Variants in LAMA2 observed in about 807,000 individuals in gnomAD.
LAMA2 encodes laminin subunit alpha 2.
A neutral mutation model predicts 364.8 loss-of-function variants in LAMA2; 269 were observed. The ratio of observed to expected loss-of-function variants is 0.74; its 90% CI spans 0.67 to 0.82. The LOEUF (loss-of-function observed/expected upper bound fraction) is 0.82, where lower values mean the gene tolerates loss of function less well. Ranked by LOEUF, LAMA2 falls within the 40% of genes least tolerant of loss-of-function variation. The pLI, the probability that LAMA2 is intolerant of heterozygous loss-of-function variation, is 0.00. For synonymous variants in LAMA2, 1,379 were observed against 1,370.6 expected (o/e 1.01, Z -0.14); for missense variants, 3,807 against 3,873.2 (o/e 0.98, Z 0.45).
intron 4 of LAMA2, among the ~76,000 whole-genome samples, chr6:129,117,675 G>A (rs1041108206): frequency 7.2e-5 from 11 of 152,334 alleles, no homozygotes; most frequent in Admixed American, 7.2e-4. Context: ...CATACAGTTT[G>A]AGTGATAATA....
chr6:129,452,590 A>C lies in LAMA2; in HGVS notation c.6430-398A>C, dbSNP rs138381217. On this transcript the variant is annotated intron_variant, in intron 45 of 64. Transcript: ENST00000421865. Reference sequence around the variant, plus strand: ...TAGTTTCTTAGTTTAAGTGATACCAAAACCGCTGAAATTTCAATTGTAAAA... The same window carrying C: ...TAGTTTCTTAGTTTAAGTGATACCACAACCGCTGAAATTTCAATTGTAAAA... Among the ~76,000 whole-genome samples the C allele has an allele frequency of 1.4e-4, 22 of 152,318 alleles. No homozygotes were observed. In the East Asian group the frequency reaches 4.2e-3, roughly 29 times the overall value.
Position 129,475,476 on chromosome 6 carries a change from G to T in LAMA2, c.7451+75G>T, listed in dbSNP as rs375255954. The T allele has an allele frequency of 2.5e-4, 263 of 1,059,204 alleles. 4 individuals are homozygous for T. The South Asian group carries it at 3.2e-3, about 13-fold the overall frequency. The allele number at this position is 1,059,204 out of a possible 1,614,324, so 65.6% of individuals were successfully genotyped here. ...ATGTGGCTTCTTAGATAAAGCAGCC[G>T]TGCAGAAGCAGAGCAACACCAGTAC... On this transcript the variant is annotated intron_variant, in intron 53 of 64. Transcript: ENST00000421865.
At chr6:129,346,360 G>A (rs916638734) in intron 30 of LAMA2, among the ~76,000 whole-genome samples, 1 of 152,096 alleles carries the variant, frequency 6.6e-6, no homozygotes, top group South Asian at 2.1e-4. Context: ...TATTTTTAAA[G>A]GCATTTTTCA....
At chr6:129,049,823 C>T (rs1787866385) in intron 1 of LAMA2, 95 bp from the exon 2 acceptor site, 7 of 1,095,702 alleles carry the variant, frequency 6.4e-6, no homozygotes, top group South Asian at 6.4e-5. Flanking sequence ...TACTTTAATG[C>T]TCCGAAAAAT....
chr6:128,996,764 T>C (rs1783968940), intron 1 of LAMA2, among the ~76,000 whole-genome samples: 1 of 152,210 alleles, frequency 6.6e-6, no homozygotes, highest in African/African-American at 2.4e-5. Context: ...GACCCAGCCA[T>C]CCCATTACTG....
intron 44 of LAMA2, among the ~76,000 whole-genome samples, chr6:129,444,775 A>G (rs1782286109): frequency 6.6e-6 from 1 of 152,196 alleles, no homozygotes; most frequent in Admixed American, 6.5e-5. Context: ...CTTGAACCTT[A>G]AGCAGTTTAA....
intron 1 of LAMA2, among the ~76,000 whole-genome samples, chr6:128,997,012 AAACT>A (rs1783988543): frequency 6.6e-6 from 1 of 152,168 alleles, no homozygotes; most frequent in Admixed American, 6.5e-5. Flanking sequence ...CATTCTCAGC[AAACT>A]AACAGAGGAA....
intron 3 of LAMA2, among the ~76,000 whole-genome samples, chr6:129,066,039 T>TATGCC (rs1554210041): frequency 1.3e-5 from 1 of 74,628 alleles, no homozygotes. Flanking sequence ...CAGTCTCAGG[T>TATGCC]TTTTTTTTTT....
At chr6:129,163,236 AT>A (rs1391389308) in intron 8 of LAMA2, among the ~76,000 whole-genome samples, 2 of 151,476 alleles carry the variant, frequency 1.3e-5, no homozygotes, top group African/African-American at 2.4e-5. Flanking sequence ...GTGCTAAGTA[AT>A]TTTTTTTCTT....
At chr6:128,929,742 T>C (rs1779334707) in intron 1 of LAMA2, 1 of 1,232,558 alleles carries the variant, frequency 8.1e-7, no homozygotes, top group African/African-American at 1.5e-5. Flanking sequence ...CTTGTACCAA[T>C]CGTAGCTGGA....
chr6:128,922,742 GTTGCCA>G (rs1562833574), intron 1 of LAMA2, among the ~76,000 whole-genome samples: 1 of 152,148 alleles, frequency 6.6e-6, no homozygotes, highest in Non-Finnish European at 1.5e-5. Context: ...TTTGGCTTTT[GTTGCCA>G]TTGCTTTTGG....
At chr6:129,446,423 T>C (rs1417226287) in intron 45 of LAMA2, among the ~76,000 whole-genome samples, 1 of 148,930 alleles carries the variant, frequency 6.7e-6, no homozygotes, top group Non-Finnish European at 1.5e-5. Context: ...AACAGAGCTT[T>C]CTAGAAGGTA....
chr6:129,125,451 T>G (rs968296506), intron 4 of LAMA2, among the ~76,000 whole-genome samples: 2 of 152,182 alleles, frequency 1.3e-5, no homozygotes, highest in African/African-American at 4.8e-5. Context: ...CTAAGGAACA[T>G]CTACCTTTAG....
At chr6:129,341,936 A>G (rs1464513221) in intron 29 of LAMA2, among the ~76,000 whole-genome samples, 3 of 152,248 alleles carry the variant, frequency 2.0e-5, no homozygotes, top group African/African-American at 7.2e-5. Flanking sequence ...AGGCCACAGT[A>G]TTTGTAGCAC....
At chr6:129,375,579 G>T (rs1428114136) in intron 34 of LAMA2, among the ~76,000 whole-genome samples, 1 of 151,992 alleles carries the variant, frequency 6.6e-6, no homozygotes, top group Non-Finnish European at 1.5e-5. Context: ...TTAACATACT[G>T]TCCTCTCTCT....
At chr6:128,921,706 T>TGTTTG (rs1562831954) in intron 1 of LAMA2, among the ~76,000 whole-genome samples, 1 of 148,822 alleles carries the variant, frequency 6.7e-6, no homozygotes, top group African/African-American at 2.6e-5. Context: ...TGTTTTTTTT[T>TGTTTG]TTTTTTTATT....
rs538466736 is a variant in LAMA2, at chr6:129,366,342, A to G, written c.4841A>G (p.Asn1614Ser). 1 of 1,613,886 alleles carries G rather than the reference A, an allele frequency of 6.2e-7. No homozygotes were observed. The highest frequency in any genetic ancestry group is 8.5e-7 in the Non-Finnish European group (1 of 1,179,970). Residue 1614 changes from asparagine to serine, a missense_variant, in exon 33 of 65, where the codon AAT (asparagine) becomes AGT (serine). By Grantham distance (46) the Asn-to-Ser change is conservative. Around this residue, in one of 3 missense-constraint regions of LAMA2, gnomAD observed 3,333 missense variants for 3,345.7 expected, o/e 1.00. Coordinates refer to ENST00000421865, the MANE Select transcript of LAMA2 (RefSeq NM_000426.4). Reference protein sequence around the residue: ...APYKMLYGLENMTQELKHLLS... With the variant: ...APYKMLYGLESMTQELKHLLS... ...TATAAAATGCTGTATGGTCTTGAAA[A>G]TATGACTCAGGAGCTAAAGGTAGGT...
intron 12 of LAMA2, among the ~76,000 whole-genome samples, chr6:129,204,664 C>T (rs1327421585): frequency 6.6e-6 from 1 of 152,162 alleles, no homozygotes; most frequent in Non-Finnish European, 1.5e-5. Context: ...TGAAACAATA[C>T]ATTTCTGTTG....
chr6:129,353,176 C>G lies in LAMA2; in HGVS notation c.4536C>G (p.Gly1512=), dbSNP rs1286139075. The change falls in exon 32 of 65, where the codon GGC becomes GGG. Residue 1512 remains glycine (G), a synonymous_variant. Coordinates refer to ENST00000421865, the MANE Select transcript of LAMA2 (RefSeq NM_000426.4). Reference sequence around the variant, plus strand: ...TGTTTCAATTCAGGTGTGCCCCTGGCTATACTGGCAGTCCAGGCAACCCTG... The same window carrying G: ...TGTTTCAATTCAGGTGTGCCCCTGGGTATACTGGCAGTCCAGGCAACCCTG... ...EGQYCERCAP[G]YTGSPGNPGG... is the part of the protein sequence containing the mutation. The G allele has an allele frequency of 6.2e-7, 1 of 1,613,528 alleles. No homozygotes were observed. Among genetic ancestry groups the G allele is most frequent in the East Asian group, 2.2e-5 (1 of 44,850 alleles).
Sources: gnomAD v4.1 joint callset for allele counts (sites outside exome capture counted in the v4.1 genomes callset) on GRCh38, gnomAD v4.1.1 for gene constraint, gnomAD v4.1.1 regional missense constraint, MANE v1.5 for transcripts, NCBI Gene and HGNC (gene_info 2026-07-23, HGNC 2026-07-21) for gene names.